The following AK8 variants were observed in gnomAD, a reference collection of about 807,000 sequenced individuals.
The protein encoded by AK8 is adenylate kinase 8.
In AK8, 44 loss-of-function variants were observed where a neutral mutation model predicts 54.6. The observed-to-expected ratio is 0.81, with a 90% CI of 0.63 to 1.04. AK8 has a LOEUF of 1.04. Among genes scored for constraint, AK8 ranks in the 50% least tolerant of loss-of-function variants. The pLI is 0.00. For missense variants in AK8, 555 were observed against 613.6 expected, an observed-to-expected ratio of 0.90 and a Z score of 1.01; for synonymous variants, 239 against 245.6, an observed-to-expected ratio of 0.97 and a Z score of 0.25.
At chr9:132,784,383 G>C (rs1164662724) in intron 11 of AK8, among the ~76,000 whole-genome samples, 1 of 152,190 alleles carries the variant, frequency 6.6e-6, no homozygotes, top group African/African-American at 2.4e-5. Flanking sequence ...GCTGTGCATG[G>C]TGGCACACAT....
In AK8 at chr9:132,845,371, T is replaced by A. The variant is rs888322111; in HGVS notation, c.402+9486A>T. Among the ~76,000 whole-genome samples the A allele has an allele frequency of 2.0e-5, 3 of 152,268 alleles. No individual in the cohort carries two copies. In the South Asian group the frequency reaches 6.2e-4, roughly 31 times the overall value. ...ATAGACTTCATCATCATTTTTATGA[T>A]GGTGACTTGGGATGCATGGTCCTGT... On this transcript the variant is annotated intron_variant, in intron 5 of 12. Transcript: ENST00000298545.
At chr9:132,808,100 A>G (rs1840807485) in intron 10 of AK8, among the ~76,000 whole-genome samples, 2 of 152,150 alleles carry the variant, frequency 1.3e-5, no homozygotes, top group Non-Finnish European at 2.9e-5. Context: ...ACAGCTGAGA[A>G]CTTATTTTTC....
chr9:132,778,601 G>C (rs146222257), intron 11 of AK8, among the ~76,000 whole-genome samples: 24 of 152,220 alleles, frequency 1.6e-4, no homozygotes, highest in Admixed American at 3.3e-4. Context: ...GACCATGTTA[G>C]AAATGACAAA....
At chr9:132,855,524 C>T (rs1030925015) in intron 4 of AK8, among the ~76,000 whole-genome samples, 9 of 152,160 alleles carry the variant, frequency 5.9e-5, no homozygotes, top group African/African-American at 2.2e-4. Flanking sequence ...CAAAATTGGC[C>T]ACGGTGGGAG....
intron 11 of AK8, among the ~76,000 whole-genome samples, chr9:132,782,031 A>T (rs1031504545): frequency 7.2e-5 from 11 of 152,188 alleles, no homozygotes; most frequent in African/African-American, 2.2e-4. Flanking sequence ...GTAAATCAAG[A>T]TTTTTTGTTC....
intron 11 of AK8, among the ~76,000 whole-genome samples, chr9:132,776,657 T>C (rs1195336746): frequency 6.6e-6 from 1 of 152,212 alleles, no homozygotes; most frequent in Non-Finnish European, 1.5e-5. Flanking sequence ...GGACCTTTGC[T>C]TGAGCTTTAA....
intron 11 of AK8, among the ~76,000 whole-genome samples, chr9:132,764,347 G>C (rs905392500): frequency 1.1e-4 from 16 of 151,722 alleles, no homozygotes; most frequent in Middle Eastern, 3.2e-3. Flanking sequence ...AAAAAAACAA[G>C]ATCAGGGCAG....
chr9:132,776,841 C>G (rs552227659), intron 11 of AK8, among the ~76,000 whole-genome samples: 1 of 152,330 alleles, frequency 6.6e-6, no homozygotes, highest in East Asian at 1.9e-4. Flanking sequence ...CCTTCACGGG[C>G]AATTTACTAA....
chr9:132,767,627 C>A (rs1319085584), intron 11 of AK8, among the ~76,000 whole-genome samples: 1 of 152,144 alleles, frequency 6.6e-6, no homozygotes, highest in African/African-American at 2.4e-5. Context: ...AAGAAAGAAA[C>A]TTAGTATATC....
At chr9:132,794,221 C>G (rs1477991828) in intron 10 of AK8, among the ~76,000 whole-genome samples, 1 of 152,216 alleles carries the variant, frequency 6.6e-6, no homozygotes, top group African/African-American at 2.4e-5. Flanking sequence ...GGCTATCTAG[C>G]ATGAATGAGA....
chr9:132,875,582 T>C (rs1452515096), intron 1 of AK8, among the ~76,000 whole-genome samples: 1 of 152,250 alleles, frequency 6.6e-6, no homozygotes, highest in East Asian at 1.9e-4. Context: ...GCTTCTGCCT[T>C]GTCCTCATCC....
intron 10 of AK8, among the ~76,000 whole-genome samples, chr9:132,810,259 A>G (rs1015841593): frequency 1.3e-5 from 2 of 152,174 alleles, no homozygotes; most frequent in African/African-American, 2.4e-5. Flanking sequence ...ATAAACAAAA[A>G]GCTGTGGAAG....
chr9:132,795,154 C>T (rs1317636237), intron 10 of AK8, among the ~76,000 whole-genome samples: 1 of 152,200 alleles, frequency 6.6e-6, no homozygotes, highest in Non-Finnish European at 1.5e-5. Context: ...GGACCTCTGC[C>T]TCGAGACATT....
intron 7 of AK8, 71 bp downstream of exon 7, chr9:132,827,942 T>C (rs1841940796): frequency 6.8e-7 from 1 of 1,468,506 alleles, no homozygotes; most frequent in African/African-American, 1.4e-5. Context: ...GGTCAGGAAA[T>C]GGTAGACGGG....
intron 11 of AK8, among the ~76,000 whole-genome samples, chr9:132,757,040 T>C (rs1838217992): frequency 6.6e-6 from 1 of 152,216 alleles, no homozygotes; most frequent in Admixed American, 6.5e-5. Flanking sequence ...ATTAAATACA[T>C]AATTTCGGAA....
chr9:132,759,555 A>G (rs1590206872), intron 11 of AK8, among the ~76,000 whole-genome samples: 2 of 152,240 alleles, frequency 1.3e-5, no homozygotes, highest in East Asian at 3.8e-4. Flanking sequence ...TTCTTCTACA[A>G]GGTTTTACAG....
At chr9:132,821,330 C>T (rs763141658) in intron 9 of AK8, among the ~76,000 whole-genome samples, 3 of 152,096 alleles carry the variant, frequency 2.0e-5, no homozygotes, top group Admixed American at 6.6e-5. Flanking sequence ...CAAGTGATGC[C>T]GCCACAGGTA....
rs1838246476 is a variant in AK8, at chr9:132,757,452, CT to C, written c.1122-29919del. ...TCTTATAGAACAATCCGGGCTATGC[CT>C]GGGGGCCTACTGGTTAATCCCATCC... On this transcript the variant is annotated intron_variant, in intron 11 of 12. Coordinates refer to ENST00000298545, the MANE Select transcript of AK8 (RefSeq NM_152572.3). Among the ~76,000 whole-genome samples, 6 of 152,354 alleles carry C rather than the reference CT, an allele frequency of 3.9e-5. No individual in the cohort carries two copies. In the South Asian group the frequency reaches 1.2e-3, roughly 32 times the overall value.
chr9:132,783,470 G>C (rs564244462), intron 11 of AK8, among the ~76,000 whole-genome samples: 1 of 151,364 alleles, frequency 6.6e-6, no homozygotes, highest in Admixed American at 6.6e-5. Flanking sequence ...ACTATTCTTA[G>C]ACAAACAACC....
Sources: allele counts gnomAD v4.1 joint callset (sites outside exome capture counted in the v4.1 genomes callset), GRCh38; gene constraint gnomAD v4.1.1; transcripts MANE v1.5; gene names NCBI Gene and HGNC (gene_info 2026-07-23, HGNC 2026-07-21).